The following VSTM2L variants were observed in gnomAD, a reference collection of about 807,000 sequenced individuals.
The protein encoded by VSTM2L is V-set and transmembrane domain containing 2 like, also known as V-set and transmembrane domain-containing protein 2-like protein.
Under a neutral mutation model 19.9 loss-of-function variants are expected in VSTM2L, and 9 were observed. The observed-to-expected ratio is 0.45, with a 90% CI of 0.27 to 0.79. VSTM2L has a LOEUF of 0.79. VSTM2L is among the 30% of genes least tolerant of loss of function. The pLI is 0.15. For missense variants in VSTM2L, 286 were observed against 295.5 expected (o/e 0.97, Z 0.24); for synonymous variants, 127 against 133.8 (o/e 0.95, Z 0.35).
Position 37,944,594 on chromosome 20 carries a change from T to C in VSTM2L, c.*341T>C. On this transcript the variant is annotated 3_prime_UTR_variant, in exon 4 of 4. Coordinates refer to ENST00000373461, the MANE Select transcript of VSTM2L (RefSeq NM_080607.3). ...GAGTCCAGTGTTTTGCTTTGCTTGC[T>C]TGTCCCCCATCCTGTCCTGAGCCGG... 1 of 1,085,406 alleles carries C rather than the reference T, an allele frequency of 9.2e-7. No homozygotes were observed. Among genetic ancestry groups the C allele is most frequent in the Non-Finnish European group, 1.1e-6 (1 of 895,384 alleles). The allele number at this position is 1,085,406 out of a possible 1,614,324, so 67.2% of individuals were successfully genotyped here. A position where few individuals can be genotyped will look rare whatever the true frequency, so the allele number is the denominator to read the frequency against.
chr20:37,937,838 G>A (rs554313240), intron 3 of VSTM2L, among the ~76,000 whole-genome samples: 1 of 152,322 alleles, frequency 6.6e-6, no homozygotes, highest in African/African-American at 2.4e-5. Context: ...AGCCTGGGGG[G>A]CCAGGAGGGC....
At chr20:37,915,615 T>G (rs911844664) in intron 1 of VSTM2L, among the ~76,000 whole-genome samples, 3 of 152,040 alleles carry the variant, frequency 2.0e-5, no homozygotes, top group Non-Finnish European at 4.4e-5. Context: ...GCTCAGAGAT[T>G]CACCTACCTT....
intron 1 of VSTM2L, among the ~76,000 whole-genome samples, chr20:37,924,578 AAAT>A (rs2072869982): frequency 6.6e-6 from 1 of 152,082 alleles, no homozygotes; most frequent in East Asian, 1.9e-4. Context: ...AAACAAAACA[AAAT>A]AATAAATAAA....
intron 1 of VSTM2L, among the ~76,000 whole-genome samples, chr20:37,923,143 G>T (rs1253523978): frequency 1.3e-5 from 2 of 152,146 alleles, no homozygotes; most frequent in Non-Finnish European, 2.9e-5. Context: ...GCTCTGAGAA[G>T]CAAAGTGGTT....
In VSTM2L at chr20:37,945,320, A is replaced by G; in HGVS notation, c.*1067A>G. ...ATACATGATCCAGTCTGTGACTACC[A>G]GCCAACCTGAATAAAGCGGTTTTAA... On this transcript the variant is annotated 3_prime_UTR_variant, in exon 4 of 4. Transcript: ENST00000373461. The G allele has an allele frequency of 5.1e-6, 5 of 972,076 alleles. No individual in the cohort carries two copies. The highest frequency in any genetic ancestry group is 6.1e-6 in the Non-Finnish European group (5 of 817,890). The allele number at this position is 972,076 out of a possible 1,614,324, so 60.2% of individuals were successfully genotyped here. A position where few individuals can be genotyped will look rare whatever the true frequency, so the allele number is the denominator to read the frequency against.
intron 1 of VSTM2L, among the ~76,000 whole-genome samples, chr20:37,925,422 C>T (rs1287841070): frequency 2.0e-5 from 3 of 152,316 alleles, no homozygotes; most frequent in Non-Finnish European, 2.9e-5. Context: ...GGAAGTCACA[C>T]AGCAAGTCTG....
At chr20:37,915,865 G>T (rs924296255) in intron 1 of VSTM2L, among the ~76,000 whole-genome samples, 5 of 152,080 alleles carry the variant, frequency 3.3e-5, no homozygotes, top group African/African-American at 1.2e-4. Context: ...AACATCCCAA[G>T]TGCCTGCCTC....
At chr20:37,942,182 G>T (rs2122981205) in intron 3 of VSTM2L, among the ~76,000 whole-genome samples, 1 of 152,280 alleles carries the variant, frequency 6.6e-6, no homozygotes, top group African/African-American at 2.4e-5. Flanking sequence ...ATACAGCAAT[G>T]AAAAAGAACA....
At chr20:37,914,398 A>ATG (rs2072801727) in intron 1 of VSTM2L, among the ~76,000 whole-genome samples, 1 of 814 alleles carries the variant, frequency 1.2e-3, no homozygotes, top group Non-Finnish European at 2.5e-3. Context: ...GGGTGTGTGT[A>ATG]TGTATGTGTG....
intron 1 of VSTM2L, among the ~76,000 whole-genome samples, chr20:37,910,094 C>G (rs139408577): frequency 6.6e-6 from 1 of 152,202 alleles, no homozygotes; most frequent in Non-Finnish European, 1.5e-5. Context: ...TGGGTCCTAC[C>G]GGAGAGATGA....
chr20:37,945,148 C>A lies in VSTM2L; in HGVS notation c.*895C>A. 3 of 985,698 alleles carry A rather than the reference C, an allele frequency of 3.0e-6. No homozygotes were observed. Among genetic ancestry groups the A allele is most frequent in the Non-Finnish European group, 3.6e-6 (3 of 829,944 alleles). 61.1% of individuals were successfully genotyped at this position (985,698 alleles called of 1,614,324 possible). ...TTCCCTCACGATTCCCGATCACGGG[C>A]ACACCTGCCCCCTGGTTATTTGTAA... On this transcript the variant is annotated 3_prime_UTR_variant, in exon 4 of 4. Coordinates refer to ENST00000373461, the MANE Select transcript of VSTM2L (RefSeq NM_080607.3).
chr20:37,942,664 G>GA (rs2072979230), intron 3 of VSTM2L, among the ~76,000 whole-genome samples: 1 of 152,242 alleles, frequency 6.6e-6, no homozygotes, highest in Non-Finnish European at 1.5e-5. Context: ...ATTGCTCAGT[G>GA]AAGGGTGTGC....
chr20:37,940,157 A>G (rs1404958266), intron 3 of VSTM2L, among the ~76,000 whole-genome samples: 1 of 152,240 alleles, frequency 6.6e-6, no homozygotes, highest in Admixed American at 6.5e-5. Context: ...TGAGGGAAGC[A>G]GATGTTGAGG....
At chr20:37,935,231 C>T (rs1173366129) in intron 3 of VSTM2L, among the ~76,000 whole-genome samples, 1 of 152,186 alleles carries the variant, frequency 6.6e-6, no homozygotes, top group Admixed American at 6.5e-5. Flanking sequence ...CCCAGCCCCC[C>T]ACCCCCAGCC....
intron 1 of VSTM2L, among the ~76,000 whole-genome samples, chr20:37,905,227 C>T (rs924471719): frequency 5.3e-5 from 8 of 152,160 alleles, no homozygotes; most frequent in Admixed American, 3.9e-4. Flanking sequence ...TTGGAACTTA[C>T]ACTAGGAGGG....
intron 3 of VSTM2L, among the ~76,000 whole-genome samples, chr20:37,939,444 C>CGAAA (rs754875974): frequency 4.6e-5 from 7 of 151,868 alleles, no homozygotes; most frequent in African/African-American, 1.7e-4. Context: ...AAAGAAAGAA[C>CGAAA]GAAAGAAAGA....
In VSTM2L at chr20:37,903,370, T is replaced by C. The variant is rs1051092323; in HGVS notation, c.20T>C (p.Val7Ala). The change falls in exon 1 of 4, where the codon GTA becomes GCA. Residue 7 changes from valine to alanine, a missense_variant. Physicochemically the swap from Val to Ala is moderately conservative, Grantham distance 64 (BLOSUM62 0). Coordinates refer to ENST00000373461, the MANE Select transcript of VSTM2L (RefSeq NM_080607.3). MGAPLA[V>A]ALGALHYLAL... ...CGCACGATGGGGGCCCCGCTCGCCG[T>C]AGCGCTGGGCGCCCTCCACTACCTG... The C allele has an allele frequency of 1.4e-6, 2 of 1,479,592 alleles. No individual in the cohort carries two copies. The highest frequency in any genetic ancestry group is 6.0e-5 in the East Asian group (2 of 33,562). 91.7% of individuals were successfully genotyped at this position (1,479,592 alleles called of 1,614,324 possible).
At chr20:37,914,135 G>A (rs929475722) in intron 1 of VSTM2L, among the ~76,000 whole-genome samples, 3 of 151,574 alleles carry the variant, frequency 2.0e-5, no homozygotes, top group Non-Finnish European at 4.4e-5. Context: ...GTGCGCGCAC[G>A]AATGTGTGTG....
intron 3 of VSTM2L, 66 bp downstream of exon 3, chr20:37,933,655 AT>A: frequency 6.5e-7 from 1 of 1,538,386 alleles, no homozygotes; most frequent in Non-Finnish European, 9.0e-7. Flanking sequence ...TTAAAAAAAA[AT>A]TGGGGTCCAG....
Sources: allele counts gnomAD v4.1 joint callset (sites outside exome capture counted in the v4.1 genomes callset), GRCh38; gene constraint gnomAD v4.1.1; transcripts MANE v1.5; gene names NCBI Gene and HGNC (gene_info 2026-07-23, HGNC 2026-07-21).